The following CDH18 variants were observed in gnomAD, a reference collection of about 807,000 sequenced individuals.
CDH18 encodes cadherin 18.
A neutral mutation model predicts 67.9 loss-of-function variants in CDH18; 31 were observed. That is an observed-to-expected ratio of 0.46 (90% CI 0.34 to 0.62). The LOEUF is 0.62. Among genes scored for constraint, CDH18 ranks in the 20% least tolerant of loss-of-function variants. The probability of loss-of-function intolerance (pLI) is 0.01; values close to 1 mark genes in which losing one functional copy is unlikely to be tolerated. For synonymous variants in CDH18, 362 were observed against 347.2 expected, an observed-to-expected ratio of 1.04 and a Z score of -0.48; for missense variants, 890 against 975.5, an observed-to-expected ratio of 0.91 and a Z score of 1.17.
At chr5:19,881,369 A>G (rs1231069132) in intron 2 of CDH18, among the ~76,000 whole-genome samples, 1 of 152,150 alleles carries the variant, frequency 6.6e-6, no homozygotes, top group Non-Finnish European at 1.5e-5. Context: ...CAAATGGTTC[A>G]GCCTAGTAGA....
Position 19,516,485 on chromosome 5 carries a change from T to A in CDH18, c.1512+4172A>T, listed in dbSNP as rs184645593. On this transcript the variant is annotated intron_variant, in intron 10 of 12. Transcript: ENST00000382275. ...CTGTGAATAAGTCTGGTCCTAGACT[T>A]TTTTTGGTTGGTAGGCTATTAATTA... Among the ~76,000 whole-genome samples, 589 of 152,016 alleles carry A rather than the reference T, an allele frequency of 3.9e-3. 4 individuals are homozygous for A. The highest frequency in any genetic ancestry group is 0.014 in the African/African-American group (567 of 41,336).
At chr5:19,522,564 C>A (rs1747073305) in intron 9 of CDH18, among the ~76,000 whole-genome samples, 3 of 151,998 alleles carry the variant, frequency 2.0e-5, no homozygotes, top group South Asian at 4.1e-4. Context: ...TTTATAAACA[C>A]TAAGATAATT....
intron 3 of CDH18, among the ~76,000 whole-genome samples, chr5:19,827,622 G>C (rs1297271490): frequency 2.0e-5 from 3 of 151,966 alleles, no homozygotes; most frequent in Non-Finnish European, 2.9e-5. Flanking sequence ...AAAGTAAACA[G>C]GCTACTCCTG....
intron 1 of CDH18, among the ~76,000 whole-genome samples, chr5:20,457,231 G>A (rs1311875972): frequency 6.6e-6 from 1 of 152,028 alleles, no homozygotes. Flanking sequence ...TGATTTTCAG[G>A]GTAGAGGCAA....
chr5:19,658,307 A>C (rs564181117), intron 5 of CDH18, among the ~76,000 whole-genome samples: 24 of 152,040 alleles, frequency 1.6e-4, no homozygotes, highest in Non-Finnish European at 3.5e-4. Flanking sequence ...TTTAATTAAA[A>C]CTCATGGTTT....
chr5:20,487,256 G>A (rs1053941455), intron 1 of CDH18, among the ~76,000 whole-genome samples: 3 of 151,802 alleles, frequency 2.0e-5, no homozygotes, highest in East Asian at 3.9e-4. Context: ...GAAAATCCCA[G>A]CATTTTCTGT....
chr5:20,294,071 C>G (rs1747305322), intron 1 of CDH18, among the ~76,000 whole-genome samples: 1 of 152,118 alleles, frequency 6.6e-6, no homozygotes, highest in Non-Finnish European at 1.5e-5. Context: ...TTTATATACA[C>G]TGTTGGTCAT....
chr5:19,496,224 C>A (rs1038440353), intron 11 of CDH18, among the ~76,000 whole-genome samples: 1 of 152,166 alleles, frequency 6.6e-6, no homozygotes, highest in Non-Finnish European at 1.5e-5. Context: ...AAATCAGAGA[C>A]AAACTGAAAC....
At chr5:19,587,659 T>C (rs1744397662) in intron 7 of CDH18, among the ~76,000 whole-genome samples, 1 of 151,542 alleles carries the variant, frequency 6.6e-6, no homozygotes, top group Non-Finnish European at 1.5e-5. Flanking sequence ...TGTGTCTTTT[T>C]TTTTTGTACC....
intron 2 of CDH18, among the ~76,000 whole-genome samples, chr5:20,244,686 G>A (rs556753452): frequency 1.7e-4 from 26 of 152,054 alleles, no homozygotes; most frequent in Non-Finnish European, 3.8e-4. Context: ...ATTACATGTT[G>A]TCTTGACAGT....
intron 2 of CDH18, among the ~76,000 whole-genome samples, chr5:19,958,888 G>A (rs372571882): frequency 1.3e-5 from 2 of 152,022 alleles, no homozygotes; most frequent in Non-Finnish European, 2.9e-5. Flanking sequence ...CAGGTCATTG[G>A]TGACAGTGGC....
chr5:20,366,460 C>A (rs1307112119), intron 1 of CDH18, among the ~76,000 whole-genome samples: 1 of 152,046 alleles, frequency 6.6e-6, no homozygotes, highest in Non-Finnish European at 1.5e-5. Context: ...GTCACTTTTG[C>A]TTCTCAATAA....
intron 9 of CDH18, among the ~76,000 whole-genome samples, chr5:19,526,210 G>A (rs375635421): frequency 6.6e-5 from 10 of 152,188 alleles, no homozygotes; most frequent in African/African-American, 2.4e-4. Context: ...AAAGCAGAAT[G>A]TACATCTTAA....
intron 2 of CDH18, among the ~76,000 whole-genome samples, chr5:20,243,275 A>G (rs1426938190): frequency 6.6e-6 from 1 of 152,158 alleles, no homozygotes; most frequent in Non-Finnish European, 1.5e-5. Context: ...TAACTTTGTA[A>G]AGTTACCTAA....
At chr5:19,739,155 G>C (rs927921274) in intron 4 of CDH18, among the ~76,000 whole-genome samples, 1 of 152,070 alleles carries the variant, frequency 6.6e-6, no homozygotes, top group Non-Finnish European at 1.5e-5. Flanking sequence ...TCCTCTAGAC[G>C]TAATTGTAGG....
At chr5:20,318,628 T>G (rs1430063700) in intron 1 of CDH18, among the ~76,000 whole-genome samples, 1 of 152,112 alleles carries the variant, frequency 6.6e-6, no homozygotes, top group African/African-American at 2.4e-5. Flanking sequence ...GTAAGAAGTG[T>G]CAGCTTCCCC....
At chr5:20,092,272 C>A (rs1037836083) in intron 2 of CDH18, among the ~76,000 whole-genome samples, 2 of 152,072 alleles carry the variant, frequency 1.3e-5, no homozygotes, top group Non-Finnish European at 2.9e-5. Context: ...GAAAAGATTA[C>A]CCTCCCTTTG....
chr5:19,963,313 T>G (rs1196757239), intron 2 of CDH18, among the ~76,000 whole-genome samples: 3 of 152,098 alleles, frequency 2.0e-5, no homozygotes, highest in Non-Finnish European at 4.4e-5. Context: ...TGATATGAAA[T>G]ATGTATTATT....
At chr5:20,315,938 G>A (rs1014313448) in intron 1 of CDH18, among the ~76,000 whole-genome samples, 2 of 151,936 alleles carry the variant, frequency 1.3e-5, no homozygotes, top group Non-Finnish European at 2.9e-5. Context: ...TTCATTCCTA[G>A]AACTAAGAAT....
Sources: gnomAD v4.1 joint callset for allele counts (sites outside exome capture counted in the v4.1 genomes callset) on GRCh38, gnomAD v4.1.1 for gene constraint, MANE v1.5 for transcripts, NCBI Gene and HGNC (gene_info 2026-07-23, HGNC 2026-07-21) for gene names.